The following EP400 variants were observed in gnomAD, a reference collection of about 807,000 sequenced individuals.
EP400 encodes E1A binding protein p400, also known as E1A-binding protein p400.
A neutral mutation model predicts 354.1 loss-of-function variants in EP400; 105 were observed. The ratio of observed to expected loss-of-function variants is 0.30; its 90% CI spans 0.25 to 0.35. The LOEUF is 0.35. Ranked by LOEUF, EP400 falls within the 10% of genes least tolerant of loss-of-function variation. The pLI, the probability that EP400 is intolerant of heterozygous loss-of-function variation, is 1.00. For synonymous variants in EP400, 1,646 were observed against 1,716.9 expected, an observed-to-expected ratio of 0.96 and a Z score of 1.02; for missense variants, 3,280 against 4,121.0, an observed-to-expected ratio of 0.80 and a Z score of 5.59.
Position 132,005,380 on chromosome 12 carries a change from G to A in EP400, c.2935+196G>A, listed in dbSNP as rs565142897. 4.6e-5 allele frequency among the ~76,000 whole-genome samples: 7 copies of A among 152,052 alleles called. No individual in the cohort carries two copies. In the East Asian group the frequency reaches 7.7e-4, roughly 17 times the overall value. ...AATTTATTAACCTGGCACAGTTATC[G>A]GGGCACTTGATCATGTTGTGAAGGA... On this transcript the variant is annotated intron_variant, in intron 13 of 52. Coordinates refer to ENST00000389561, the MANE Select transcript of EP400 (RefSeq NM_015409.5).
In EP400 at chr12:132,064,704, A is replaced by C; in HGVS notation, c.8371A>C (p.Met2791Leu). 6.2e-7 allele frequency: 1 copy of C among 1,613,228 alleles called. No individual in the cohort carries two copies. The highest frequency in any genetic ancestry group is 8.5e-7 in the Non-Finnish European group (1 of 1,179,382). ...CAAAATGCAGAAGCAGAAACTGCAG[A>C]TGCCCCCGCAGCCCCCACCGCCACA... ...LIKMQKQKLQ[M>L]PPQPPPPQAQ... Residue 2791 changes from methionine (M) to leucine (L), a missense_variant, in exon 48 of 53, where the codon ATG (methionine) becomes CTG (leucine). Physicochemically the swap from Met to Leu is conservative, Grantham distance 15. This residue lies in a region of EP400 where 86 missense variants were observed against 66.4 expected (regional missense o/e 1.29). Transcript: ENST00000389561.
At chr12:131,999,183 A>G (rs1283187950) in intron 12 of EP400, among the ~76,000 whole-genome samples, 1 of 151,992 alleles carries the variant, frequency 6.6e-6, no homozygotes, top group Non-Finnish European at 1.5e-5. Flanking sequence ...GGCCTCGGTC[A>G]GGTTGTCTGA....
intron 39 of EP400, among the ~76,000 whole-genome samples, chr12:132,046,399 T>C (rs1895098250): frequency 1.3e-5 from 2 of 152,158 alleles, no homozygotes; most frequent in Non-Finnish European, 2.9e-5. Flanking sequence ...AAAAGATAAG[T>C]TGATAAGCTG....
chr12:132,011,431 A>G (rs763315516), intron 15 of EP400, 67 bp from the exon 16 acceptor site: 38 of 1,579,838 alleles, frequency 2.4e-5, no homozygotes, highest in Non-Finnish European at 3.0e-5. Context: ...CTCTGGTCAG[A>G]CACAGTGCTA....
chr12:132,043,176 A>G (rs895289257), intron 32 of EP400, 128 bp from the exon 33 acceptor site: 1 of 985,310 alleles, frequency 1.0e-6, no homozygotes, highest in Non-Finnish European at 1.4e-6. Context: ...GAAGGAGTGG[A>G]TTACCTTTAT....
At chr12:132,058,010 G>A (rs892294764) in intron 45 of EP400, among the ~76,000 whole-genome samples, 6 of 152,192 alleles carry the variant, frequency 3.9e-5, no homozygotes, top group African/African-American at 1.4e-4. Flanking sequence ...TGAGAGAGGT[G>A]CAGATAGCAG....
intron 7 of EP400, among the ~76,000 whole-genome samples, chr12:131,988,758 C>T (rs1226168531): frequency 1.3e-5 from 2 of 152,192 alleles, no homozygotes; most frequent in African/African-American, 2.4e-5. Context: ...CTTTATCCTC[C>T]TCATTACTGT....
chr12:132,061,501 C>A (rs1895692947), intron 45 of EP400, among the ~76,000 whole-genome samples: 1 of 152,304 alleles, frequency 6.6e-6, no homozygotes. Context: ...GCAGAGGTGG[C>A]ATGATTGCGT....
At position 131,994,795 on chromosome 12, in the gene EP400, T is replaced by G; in HGVS notation, c.2738-72T>G. ...GCTATGCAAAATAATTTCGAAGCCTTATAGTGTGTAATGAGTAACAGACAC... is the reference window on the plus strand; with the variant it reads ...GCTATGCAAAATAATTTCGAAGCCTGATAGTGTGTAATGAGTAACAGACAC... On this transcript the variant is annotated intron_variant, in intron 11 of 52. Transcript: ENST00000389561. This position sits in a 1 kb window ranked among gnomAD's most constrained non-coding sequence, Gnocchi z 4.6. 1 of 1,322,654 alleles carries G rather than the reference T, an allele frequency of 7.6e-7. No individual in the cohort carries two copies. The highest frequency in any genetic ancestry group is 1.1e-6 in the Non-Finnish European group (1 of 928,082). 81.9% of individuals were successfully genotyped at this position (1,322,654 alleles called of 1,614,324 possible). A position where few individuals can be genotyped will look rare whatever the true frequency, so the allele number is the denominator to read the frequency against.
At chr12:132,049,380 G>T (rs1895220704) in intron 39 of EP400, among the ~76,000 whole-genome samples, 1 of 152,220 alleles carries the variant, frequency 6.6e-6, no homozygotes, top group African/African-American at 2.4e-5. Context: ...TCCCTGTATG[G>T]TACAGTGTTC....
chr12:132,021,261 G>C lies in EP400; in HGVS notation c.4630G>C (p.Gly1544Arg). 2 of 1,537,282 alleles carry C rather than the reference G, an allele frequency of 1.3e-6. No homozygotes were observed. The highest frequency in any genetic ancestry group is 1.7e-6 in the Non-Finnish European group (2 of 1,147,768). ...GCCCCAGGCCCCCTCGCACGCGGCC[G>C]GGCAGAGCGCGCTGCCTCAGAGGCT... ...PQPQAPSHAAGQSALPQRLVL... is the reference protein window; with the variant it reads ...PQPQAPSHAARQSALPQRLVL... The change falls in exon 23 of 53, where the codon GGG (glycine) becomes CGG (arginine). Residue 1544 changes from glycine (G) to arginine (R), a missense_variant. This residue lies in a region of EP400 where 342 missense variants were observed against 342.7 expected (regional missense o/e 1.00). Transcript: ENST00000389561.
chr12:132,069,517 C>G lies in EP400; in HGVS notation c.8897C>G (p.Thr2966Ser), dbSNP rs1380357975. Residue 2966 changes from threonine to serine, a missense_variant, in exon 51 of 53, where the codon ACC becomes AGC. By Grantham distance (58) the Thr-to-Ser change is moderately conservative. Transcript: ENST00000389561. ...QQKITAQQIT[T>S]PGAQQKVAYA... ...CAGATCACCGCACAGCAGATCACCACCCCTGGCGCGCAGCAGAAGGTTGCC... is the reference window on the plus strand; with the variant it reads ...CAGATCACCGCACAGCAGATCACCAGCCCTGGCGCGCAGCAGAAGGTTGCC... The G allele has an allele frequency of 1.2e-6, 2 of 1,614,192 alleles. No homozygotes were observed. Among genetic ancestry groups the G allele is most frequent in the Non-Finnish European group, 1.7e-6 (2 of 1,180,006 alleles).
chr12:131,987,279 A>G (rs1189131389), intron 6 of EP400, among the ~76,000 whole-genome samples: 2 of 152,214 alleles, frequency 1.3e-5, no homozygotes, highest in Non-Finnish European at 2.9e-5. Flanking sequence ...CATAAACCCC[A>G]TGTTCCCCAT....
At chr12:131,954,655 G>A (rs1460187380) in intron 1 of EP400, among the ~76,000 whole-genome samples, 1 of 150,872 alleles carries the variant, frequency 6.6e-6, no homozygotes, top group Non-Finnish European at 1.5e-5. Flanking sequence ...AACCCGGGAG[G>A]CGGAGGGCGC....
At chr12:132,069,781 C>CA in intron 51 of EP400, 140 bp downstream of exon 51, 8 of 1,310,786 alleles carry the variant, frequency 6.1e-6, no homozygotes, top group Non-Finnish European at 8.3e-6. Context: ...TGTCTCCTGG[C>CA]CTCAGGTTTC....
At chr12:132,043,839 C>A (rs1469626047) in intron 34 of EP400, 111 bp downstream of exon 34, 16 of 992,156 alleles carry the variant, frequency 1.6e-5, no homozygotes, top group Non-Finnish European at 2.4e-5. Context: ...AGCCAAAACC[C>A]ACAAGTATGG....
chr12:132,006,052 G>T (rs1397756804), intron 13 of EP400, 60 bp from the exon 14 acceptor site: 1 of 1,503,914 alleles, frequency 6.6e-7, no homozygotes, highest in Admixed American at 2.2e-5. Context: ...TTTAAAAAAA[G>T]GTTTAGATTT....
chr12:132,017,452 G>A lies in EP400; in HGVS notation c.3924-83G>A, dbSNP rs1893981420. 2 of 1,473,328 alleles carry A rather than the reference G, an allele frequency of 1.4e-6. No individual in the cohort carries two copies. The highest frequency in any genetic ancestry group is 1.9e-6 in the Non-Finnish European group (2 of 1,079,592). The allele number at this position is 1,473,328 out of a possible 1,614,324, so 91.3% of individuals were successfully genotyped here. A position where few individuals can be genotyped will look rare whatever the true frequency, so the allele number is the denominator to read the frequency against. On this transcript the variant is annotated intron_variant, in intron 19 of 52. Transcript: ENST00000389561. The surrounding 1 kb of genome is among the most constrained non-coding windows in gnomAD (Gnocchi z 5.0). The stretch of plus-strand genomic sequence containing the variant: ...ATCTGCTCCTGCCTGCCTTTCTGGA[G>A]TTGGGACAGTCGATGGTGAGGGTGG...
intron 2 of EP400, among the ~76,000 whole-genome samples, chr12:131,973,215 T>C (rs1005489656): frequency 6.6e-6 from 1 of 152,228 alleles, no homozygotes; most frequent in Admixed American, 6.5e-5. Context: ...TAGTTTTAGG[T>C]TATGTCTGTT....
Sources: allele counts gnomAD v4.1 joint callset (sites outside exome capture counted in the v4.1 genomes callset), GRCh38; gene constraint gnomAD v4.1.1; regional missense constraint gnomAD v4.1.1; non-coding constraint Gnocchi (gnomAD v3.1); transcripts MANE v1.5; gene names NCBI Gene and HGNC (gene_info 2026-07-23, HGNC 2026-07-21).